GLDN: variants seen among roughly 807,000 people sequenced by gnomAD.
The protein encoded by GLDN is gliomedin, also known as collomin.
Under a neutral mutation model 56.5 loss-of-function variants are expected in GLDN, and 47 were observed. That is an observed-to-expected ratio of 0.83 (90% CI 0.66 to 1.06). GLDN has a LOEUF of 1.06. GLDN is among the 50% of genes least tolerant of loss of function. The pLI is 0.00. For missense variants in GLDN, 782 were observed against 714.3 expected (o/e 1.09, Z -1.08); for synonymous variants, 332 against 278.8 (o/e 1.19, Z -1.90).
chr15:51,390,476 T>C (rs1242606153), intron 4 of GLDN, among the ~76,000 whole-genome samples: 1 of 152,232 alleles, frequency 6.6e-6, no homozygotes, highest in Non-Finnish European at 1.5e-5. Flanking sequence ...AAGCAGTTTC[T>C]TTCCTTCCAG....
intron 8 of GLDN, 85 bp downstream of exon 8, chr15:51,400,583 G>A: frequency 7.1e-7 from 1 of 1,417,564 alleles, no homozygotes. Flanking sequence ...TTCCATTTGT[G>A]TGTGTCTGAA....
chr15:51,397,414 C>T lies in GLDN; in HGVS notation c.689-56C>T, dbSNP rs1595837987. ...TCTCCCCTTCTCTGTCCCTCTCTCCCCTTCCCCCTTCTACCTCTTGCCTCC... is the reference window on the plus strand; with the variant it reads ...TCTCCCCTTCTCTGTCCCTCTCTCCTCTTCCCCCTTCTACCTCTTGCCTCC... On this transcript the variant is annotated intron_variant, in intron 5 of 9. Transcript: ENST00000335449. 8 of 869,006 alleles carry T rather than the reference C, an allele frequency of 9.2e-6. No individual in the cohort carries two copies. In the East Asian group the frequency reaches 2.6e-4, roughly 29 times the overall value. The allele number at this position is 869,006 out of a possible 1,614,324, so 53.8% of individuals were successfully genotyped here.
chr15:51,374,560 A>G (rs188426529), intron 1 of GLDN, among the ~76,000 whole-genome samples: 12 of 152,050 alleles, frequency 7.9e-5, no homozygotes, highest in Non-Finnish European at 1.5e-5. Flanking sequence ...CTAAGCCTCT[A>G]TTTTCTTATC....
intron 1 of GLDN, among the ~76,000 whole-genome samples, chr15:51,377,038 A>T (rs2037647253): frequency 1.3e-5 from 2 of 152,266 alleles, no homozygotes; most frequent in African/African-American, 2.4e-5. Context: ...AAAAGATTTT[A>T]AAAAGGATAA....
At chr15:51,382,920 G>C (rs751670687) in intron 2 of GLDN, among the ~76,000 whole-genome samples, 42 of 152,048 alleles carry the variant, frequency 2.8e-4, no homozygotes, top group Non-Finnish European at 5.6e-4. Flanking sequence ...CCTGATCTGG[G>C]CTCTCAATTT....
Position 51,400,461 on chromosome 15 carries a change from G to C in GLDN, c.990G>C (p.Lys330Asn). The change falls in exon 8 of 10, where the codon AAG (lysine) becomes AAC (asparagine). Residue 330 changes from lysine to asparagine, a missense_variant. Lys to Asn is a moderately conservative substitution (Grantham distance 94). Coordinates refer to ENST00000335449, the MANE Select transcript of GLDN (RefSeq NM_181789.4). ...CTTGGATAAGAGAGTCTGCTAACAAGAGTGATGACCGGATTTGGGTGACAG... is the reference window on the plus strand; with the variant it reads ...CTTGGATAAGAGAGTCTGCTAACAACAGTGATGACCGGATTTGGGTGACAG... ...FGTWIRESAN[K>N]SDDRIWVTEH... is the part of the protein sequence containing the mutation. The C allele has an allele frequency of 1.9e-6, 3 of 1,614,180 alleles. No homozygotes were observed. The highest frequency in any genetic ancestry group is 2.5e-6 in the Non-Finnish European group (3 of 1,180,018).
At position 51,394,956 on chromosome 15, in the gene GLDN, T is replaced by C. The variant is rs916651561; in HGVS notation, c.663T>C (p.Asp221=). 1.9e-6 allele frequency: 3 copies of C among 1,608,540 alleles called. No individual in the cohort carries two copies. Among genetic ancestry groups the C allele is most frequent in the Non-Finnish European group, 1.7e-6 (2 of 1,177,930 alleles). ...AGGGAGAAAAGGGTGACAAAGGAGA[T>C]GTGTCCAACGACGTGCTCCTGGCAG... ...GQKGEKGDKG[D]VSNDVLLAGA... is the part of the protein sequence containing the mutation. Residue 221 remains aspartate (D), a synonymous_variant, in exon 5 of 10, where the codon GAT becomes GAC. Transcript: ENST00000335449.
chr15:51,349,967 T>C (rs11631534), intron 1 of GLDN, among the ~76,000 whole-genome samples: 13,029 of 152,080 alleles, frequency 0.086, 629 homozygotes, highest in South Asian at 0.22. Flanking sequence ...ATGGTCCTGA[T>C]CTCCTGACCT....
At chr15:51,365,371 A>G (rs2037380150) in intron 1 of GLDN, among the ~76,000 whole-genome samples, 1 of 152,072 alleles carries the variant, frequency 6.6e-6, no homozygotes, top group Non-Finnish European at 1.5e-5. Flanking sequence ...TTTTTTGTGT[A>G]TAATACACGT....
At chr15:51,363,189 T>C (rs2037334763) in intron 1 of GLDN, among the ~76,000 whole-genome samples, 2 of 152,272 alleles carry the variant, frequency 1.3e-5, no homozygotes, top group Middle Eastern at 3.4e-3. Flanking sequence ...GCTGGAGGCA[T>C]AGTCAGGAAA....
At chr15:51,356,060 A>G (rs2037178813) in intron 1 of GLDN, among the ~76,000 whole-genome samples, 1 of 151,482 alleles carries the variant, frequency 6.6e-6, no homozygotes, top group Non-Finnish European at 1.5e-5. Context: ...ACAAAAGATT[A>G]GCCGGGCGTG....
chr15:51,362,430 A>G (rs2037317801), intron 1 of GLDN, among the ~76,000 whole-genome samples: 1 of 149,180 alleles, frequency 6.7e-6, no homozygotes, highest in Admixed American at 6.7e-5. Flanking sequence ...CGTTGCAGTG[A>G]GCTGAGATTG....
chr15:51,383,995 C>G (rs772960875), intron 4 of GLDN, 103 bp downstream of exon 4: 3 of 898,858 alleles, frequency 3.3e-6, no homozygotes, highest in Non-Finnish European at 5.4e-6. Flanking sequence ...TGTTTCATCT[C>G]TGCACAGTTT....
downstream of GLDN, among the ~76,000 whole-genome samples, chr15:51,409,889 G>A (rs1172256224): frequency 6.6e-6 from 1 of 152,182 alleles, no homozygotes; most frequent in Non-Finnish European, 1.5e-5. Context: ...AATTAACTTT[G>A]AATGCTTTTT....
rs1410728555 is a variant in GLDN, at chr15:51,405,250, A to T, written c.*496A>T. The T allele has an allele frequency of 1.9e-5, 3 of 156,360 alleles. No homozygotes were observed. Among genetic ancestry groups the T allele is most frequent in the African/African-American group, 7.2e-5 (3 of 41,428 alleles). 9.7% of individuals were successfully genotyped at this position (156,360 alleles called of 1,614,324 possible). On this transcript the variant is annotated 3_prime_UTR_variant, in exon 10 of 10. Coordinates refer to ENST00000335449, the MANE Select transcript of GLDN (RefSeq NM_181789.4). ...ATTGACTCTTTAAGACATCTAAAGT[A>T]TCACATTATCCATAATTTATTGCTT...
Position 51,404,424 on chromosome 15 carries a change from G to C in GLDN, c.1326G>C (p.Val442=), listed in dbSNP as rs1225773923. ...KGLWIIYASS[V]DGSSILVAQL... Reference sequence around the variant, plus strand: ...TTTGGATTATCTATGCGTCAAGTGTGGACGGCTCGAGCATTCTTGTAGCAC... The same window carrying C: ...TTTGGATTATCTATGCGTCAAGTGTCGACGGCTCGAGCATTCTTGTAGCAC... The change falls in exon 10 of 10, where the codon GTG becomes GTC. Residue 442 remains valine (V), a synonymous_variant. Coordinates refer to ENST00000335449, the MANE Select transcript of GLDN (RefSeq NM_181789.4). 5.6e-6 allele frequency: 9 copies of C among 1,614,160 alleles called. No homozygotes were observed. Among genetic ancestry groups the C allele is most frequent in the Non-Finnish European group, 6.8e-6 (8 of 1,180,024 alleles).
At position 51,400,482 on chromosome 15, in the gene GLDN, G is replaced by T. The variant is rs1462900988; in HGVS notation, c.1011G>T (p.Val337=). 6.2e-7 allele frequency: 1 copy of T among 1,614,036 alleles called. No homozygotes were observed. The highest frequency in any genetic ancestry group is 1.3e-5 in the African/African-American group (1 of 74,954). ...SANKSDDRIW[V]TEHFSGIMVK... ...ACAAGAGTGATGACCGGATTTGGGT[G>T]ACAGAGCATTTTTCAGGTACTTGCA... The change falls in exon 8 of 10, where the codon GTG becomes GTT. Residue 337 remains valine, a synonymous_variant. Transcript: ENST00000335449.
intron 1 of GLDN, among the ~76,000 whole-genome samples, chr15:51,357,950 C>T (rs2037218904): frequency 6.6e-6 from 1 of 152,138 alleles, no homozygotes; most frequent in South Asian, 2.1e-4. Context: ...CCCTAGGGAC[C>T]TGTCCCTCGT....
chr15:51,404,381 C>T lies in GLDN; in HGVS notation c.1283C>T (p.Ala428Val), dbSNP rs753012254. 1 of 1,614,072 alleles carries T rather than the reference C, an allele frequency of 6.2e-7. No individual in the cohort carries two copies. The highest frequency in any genetic ancestry group is 2.2e-5 in the East Asian group (1 of 44,894). ...AATTCCAAAACTTACTTCAATCTAGCTGTAGATGAAAAGGGCCTTTGGATT... is the reference window on the plus strand; with the variant it reads ...AATTCCAAAACTTACTTCAATCTAGTTGTAGATGAAAAGGGCCTTTGGATT... ...FANSKTYFNL[A>V]VDEKGLWIIY... The change falls in exon 10 of 10, where the codon GCT (alanine) becomes GTT (valine). Residue 428 changes from alanine to valine, a missense_variant. Physicochemically the swap from Ala to Val is moderately conservative, Grantham distance 64 (BLOSUM62 0). Transcript: ENST00000335449.
Sources: gnomAD v4.1 joint callset for allele counts (sites outside exome capture counted in the v4.1 genomes callset) on GRCh38, gnomAD v4.1.1 for gene constraint, MANE v1.5 for transcripts, NCBI Gene and HGNC (gene_info 2026-07-23, HGNC 2026-07-21) for gene names.